Variants in DLGAP2 observed in about 807,000 individuals in gnomAD.
DLGAP2 encodes the protein DLG associated protein 2.
DLGAP2 carries 26 observed loss-of-function variants against 100.3 expected under a neutral mutation model. The ratio of observed to expected loss-of-function variants is 0.26; its 90% CI spans 0.19 to 0.36. The LOEUF is 0.36. Ranked by LOEUF, DLGAP2 falls within the 10% of genes least tolerant of loss-of-function variation. DLGAP2 has a pLI of 1.00. For synonymous variants in DLGAP2, 886 were observed against 630.1 expected, an observed-to-expected ratio of 1.41 and a Z score of -6.08; for missense variants, 1,858 against 1,453.2, an observed-to-expected ratio of 1.28 and a Z score of -4.53.
intron 2 of DLGAP2, among the ~76,000 whole-genome samples, chr8:1,191,647 GCAGA>G (rs80128129): frequency 0.12 from 18,040 of 152,140 alleles, 1,258 homozygotes; most frequent in East Asian, 0.23. Flanking sequence ...GTTGCAATGA[GCAGA>G]CAAAGCTTCA....
intron 8 of DLGAP2, among the ~76,000 whole-genome samples, chr8:1,656,181 GGCGTGGTACC>G (rs1481585484): frequency 5.3e-5 from 8 of 152,108 alleles, no homozygotes; most frequent in African/African-American, 1.7e-4. Flanking sequence ...AAATTAGCCA[GGCGTGGTACC>G]GCGTGCTACT....
At chr8:1,172,996 C>A (rs983318499) in intron 2 of DLGAP2, among the ~76,000 whole-genome samples, 1 of 152,004 alleles carries the variant, frequency 6.6e-6, no homozygotes, top group African/African-American at 2.4e-5. Flanking sequence ...TCTGTTTTTT[C>A]CCCATCTTTG....
chr8:1,287,157 T>TGTGTGTGTGTGC lies in DLGAP2; in HGVS notation c.106+28275_106+28276insTGTGTGTGTGCG, dbSNP rs1315463950. On this transcript the variant is annotated intron_variant, in intron 3 of 14. Transcript: ENST00000637795. Reference sequence around the variant, plus strand: ...GTGTGTGTGTGTGTGTGTGTGTGTGTGCGCGCGCGCGCGTGGTTCTGTTAG... The same window carrying TGTGTGTGTGTGC: ...GTGTGTGTGTGTGTGTGTGTGTGTGTGTGTGTGTGTGCGCGCGCGCGCGCGTGGTTCTGTTAG... Among the ~76,000 whole-genome samples, 94 of 99,508 alleles carry TGTGTGTGTGTGC rather than the reference T, an allele frequency of 9.4e-4. 5 individuals carry two copies. Among genetic ancestry groups the TGTGTGTGTGTGC allele is most frequent in the African/African-American group, 2.9e-3 (91 of 30,874 alleles). 65.3% of individuals were successfully genotyped at this position (99,508 alleles called of 152,430 possible).
At chr8:1,351,701 G>T (rs1159469748) in intron 3 of DLGAP2, among the ~76,000 whole-genome samples, 2 of 59,912 alleles carry the variant, frequency 3.3e-5, no homozygotes, top group Admixed American at 2.0e-4. Context: ...CTGACTGTGC[G>T]TGGAAAGGCC....
At position 1,417,086 on chromosome 8, in the gene DLGAP2, TGGGGGGATGGGGGGGTG is replaced by T. The variant is rs1038728878; in HGVS notation, c.107-84272_107-84256del. On this transcript the variant is annotated intron_variant, in intron 3 of 14. Coordinates refer to ENST00000637795, the MANE Select transcript of DLGAP2 (RefSeq NM_001346810.2). ...GGTTCAGCAGGAGAAAGGGCGGGGG[TGGGGGGATGGGGGGGTG>T]GGGGGGAGACCCCCGTTCATTCATT... Among the ~76,000 whole-genome samples the T allele has an allele frequency of 1.4e-3, 12 of 8,408 alleles. 1 individual carries two copies. The South Asian group carries it at 0.027, about 19-fold the overall frequency. The allele number at this position is 8,408 out of a possible 152,430, so 5.5% of individuals were successfully genotyped here. A position where few individuals can be genotyped will look rare whatever the true frequency, so the allele number is the denominator to read the frequency against.
intron 3 of DLGAP2, among the ~76,000 whole-genome samples, chr8:1,270,411 G>A (rs909864469): frequency 6.6e-6 from 1 of 152,202 alleles, no homozygotes; most frequent in African/African-American, 2.4e-5. Context: ...ATAGGATGCA[G>A]AAGCATTTGT....
intron 3 of DLGAP2, among the ~76,000 whole-genome samples, chr8:1,430,732 C>T (rs533561568): frequency 6.6e-6 from 1 of 152,230 alleles, no homozygotes; most frequent in African/African-American, 2.4e-5. Context: ...TTTTCTTCCA[C>T]TCAGAAATAT....
chr8:1,262,815 A>G (rs180868761), intron 3 of DLGAP2, among the ~76,000 whole-genome samples: 21 of 152,316 alleles, frequency 1.4e-4, no homozygotes, highest in Non-Finnish European at 7.3e-5. Context: ...TTATTGACAG[A>G]TGCATGATAC....
intron 2 of DLGAP2, among the ~76,000 whole-genome samples, chr8:1,255,048 T>A (rs1431539013): frequency 1.6e-4 from 17 of 107,818 alleles, no homozygotes; most frequent in African/African-American, 5.5e-4. Context: ...AGCCGCTGTG[T>A]GTGTGTCCTC....
chr8:1,441,102 A>G (rs1797817312), intron 3 of DLGAP2, among the ~76,000 whole-genome samples: 1 of 152,196 alleles, frequency 6.6e-6, no homozygotes, highest in South Asian at 2.1e-4. Context: ...TAATCCCAGA[A>G]TAAAAAGCTC....
chr8:1,632,380 C>G (rs1393194620), intron 7 of DLGAP2, among the ~76,000 whole-genome samples: 1 of 152,128 alleles, frequency 6.6e-6, no homozygotes, highest in East Asian at 1.9e-4. Context: ...AGTGTATGCA[C>G]TGAATGTGCT....
chr8:1,211,522 T>A (rs1253668216), intron 2 of DLGAP2, among the ~76,000 whole-genome samples: 1 of 152,250 alleles, frequency 6.6e-6, no homozygotes, highest in Non-Finnish European at 1.5e-5. Flanking sequence ...ATTTTCTGTT[T>A]GTAAACATGT....
intron 6 of DLGAP2, among the ~76,000 whole-genome samples, chr8:1,569,509 T>C (rs112624812): frequency 6.6e-6 from 1 of 152,238 alleles, no homozygotes; most frequent in Non-Finnish European, 1.5e-5. Flanking sequence ...AAAAAAAATA[T>C]TATGTTACCA....
At chr8:1,513,084 C>T (rs1445420741) in intron 4 of DLGAP2, among the ~76,000 whole-genome samples, 1 of 150,212 alleles carries the variant, frequency 6.7e-6, no homozygotes, top group Non-Finnish European at 1.5e-5. Context: ...ATCTGCCTTT[C>T]CCAGTGCAGG....
At chr8:1,062,633 T>C (rs1017412534) in intron 2 of DLGAP2, among the ~76,000 whole-genome samples, 1 of 152,202 alleles carries the variant, frequency 6.6e-6, no homozygotes, top group African/African-American at 2.4e-5. Context: ...CTTTGCAGCA[T>C]GTTTTTCCCT....
intron 3 of DLGAP2, among the ~76,000 whole-genome samples, chr8:1,429,139 T>G (rs550759777): frequency 6.6e-6 from 1 of 152,182 alleles, no homozygotes; most frequent in Non-Finnish European, 1.5e-5. Context: ...TTGGATTAGT[T>G]TGAAAAATCC....
At chr8:1,274,563 CATAAAAT>C (rs1799645115) in intron 3 of DLGAP2, among the ~76,000 whole-genome samples, 1 of 150,306 alleles carries the variant, frequency 6.7e-6, no homozygotes. Context: ...GAACATAAAC[CATAAAAT>C]GAGTGACTTT....
chr8:1,178,298 C>G (rs1797305350), intron 2 of DLGAP2, among the ~76,000 whole-genome samples: 1 of 152,176 alleles, frequency 6.6e-6, no homozygotes, highest in African/African-American at 2.4e-5. Flanking sequence ...GTTCTTTTCT[C>G]ATTTGGGCAA....
At position 1,676,562 on chromosome 8, in the gene DLGAP2, G is replaced by A; in HGVS notation, c.2232G>A (p.Glu744=). Residue 744 remains glutamate, a synonymous_variant, in exon 11 of 15, where the codon GAG becomes GAA. Transcript: ENST00000637795. ...AAACGGCCACAGATTCTGACACGGAGAGCCGCGGTCTGCGGGAATACCACT... is the reference window on the plus strand; with the variant it reads ...AAACGGCCACAGATTCTGACACGGAAAGCCGCGGTCTGCGGGAATACCACT... The part of the protein sequence containing the change: ...DVETATDSDT[E]SRGLREYHSV... The A allele has an allele frequency of 6.2e-7, 1 of 1,613,568 alleles. No homozygotes were observed. Among genetic ancestry groups the A allele is most frequent in the East Asian group, 2.2e-5 (1 of 44,874 alleles).
Sources: gnomAD v4.1 joint callset for allele counts (sites outside exome capture counted in the v4.1 genomes callset) on GRCh38, gnomAD v4.1.1 for gene constraint, MANE v1.5 for transcripts, NCBI Gene and HGNC (gene_info 2026-07-23, HGNC 2026-07-21) for gene names.